The following MYLK variants were observed in gnomAD, a reference collection of about 807,000 sequenced individuals.
MYLK encodes the protein myosin light chain kinase.
A neutral mutation model predicts 203.4 loss-of-function variants in MYLK; 106 were observed. The ratio of observed to expected loss-of-function variants is 0.52; its 90% confidence interval spans 0.45 to 0.61. The LOEUF is 0.61. MYLK is among the 20% of genes least tolerant of loss of function. The pLI, the probability that MYLK is intolerant of heterozygous loss-of-function variation, is 0.00. For synonymous variants in MYLK, 867 were observed against 959.5 expected, an observed-to-expected ratio of 0.90 and a Z score of 1.78; for missense variants, 2,072 against 2,442.3, an observed-to-expected ratio of 0.85 and a Z score of 3.20.
chr3:123,619,589 T>G (rs1211942717), intron 32 of MYLK, among the ~76,000 whole-genome samples: 1 of 152,186 alleles, frequency 6.6e-6, no homozygotes, highest in Non-Finnish European at 1.5e-5. Context: ...TGCATGCACC[T>G]GAAGCAGGAA....
Position 123,700,539 on chromosome 3 carries a change from C to T in MYLK, c.2929G>A (p.Ala977Thr), listed in dbSNP as rs1270011629. 2 of 1,613,480 alleles carry T rather than the reference C, an allele frequency of 1.2e-6. No homozygotes were observed. The highest frequency in any genetic ancestry group is 1.7e-5 in the Admixed American group (1 of 59,980). ...VPEKVPPPKPATPDFRSVLGG... is the reference protein window; with the variant it reads ...VPEKVPPPKPTTPDFRSVLGG... ...AGCACTGAGCGAAAATCCGGGGTGG[C>T]AGGTTTTGGCGGTGGCACCTTCTCA... The change falls in exon 18 of 34, where the codon GCC (alanine) becomes ACC (threonine). Residue 977 changes from alanine to threonine, a missense_variant. Ala to Thr is a moderately conservative substitution (Grantham distance 58). This residue lies in a region of MYLK where 865 missense variants were observed against 1,016.0 expected (regional missense o/e 0.85). Transcript: ENST00000360304.
In MYLK at chr3:123,682,256, T is replaced by C. The variant is rs2060292973; in HGVS notation, c.3620A>G (p.Lys1207Arg). ...KAPEMKSRRP[K>R]SSLPPVLGTE... ...TCCTAGCACGGGAGGAAGAGAGCTC[T>C]TGGGCCTCCGGGATTTCATCTCTGG... Residue 1207 changes from lysine to arginine, a missense_variant, in exon 20 of 34, where the codon AAG becomes AGG. By Grantham distance (26) the Lys-to-Arg change is conservative (BLOSUM62 2). This residue lies in a region of MYLK where 865 missense variants were observed against 1,016.0 expected (regional missense o/e 0.85). Transcript: ENST00000360304. The C allele has an allele frequency of 6.2e-7, 1 of 1,603,772 alleles. No homozygotes were observed. Among genetic ancestry groups the C allele is most frequent in the African/African-American group, 1.3e-5 (1 of 74,854 alleles).
intron 24 of MYLK, among the ~76,000 whole-genome samples, chr3:123,653,932 C>A (rs1393788311): frequency 6.6e-6 from 1 of 151,756 alleles, no homozygotes; most frequent in Admixed American, 6.6e-5. Context: ...ACTTGATTGC[C>A]CCCCTGGGAC....
intron 2 of MYLK, among the ~76,000 whole-genome samples, chr3:123,859,121 T>TA (rs1333981248): frequency 6.6e-6 from 1 of 152,178 alleles, no homozygotes; most frequent in Non-Finnish European, 1.5e-5. Flanking sequence ...GGGACAACTG[T>TA]AAAAAACAGG....
intron 23 of MYLK, chr3:123,659,707 C>T (rs765032736): frequency 1.9e-6 from 1 of 518,032 alleles, no homozygotes; most frequent in Non-Finnish European, 3.9e-6. Flanking sequence ...AACAGATGTC[C>T]TTAGAACAGG....
At chr3:123,749,377 C>T (rs921500384) in intron 5 of MYLK, among the ~76,000 whole-genome samples, 3 of 152,124 alleles carry the variant, frequency 2.0e-5, no homozygotes, top group Admixed American at 2.0e-4. Flanking sequence ...AGGGCAGGTA[C>T]CACGTCTCTT....
intron 2 of MYLK, among the ~76,000 whole-genome samples, chr3:123,861,289 C>G (rs570754614): frequency 8.5e-5 from 13 of 152,364 alleles, no homozygotes; most frequent in African/African-American, 2.9e-4. Context: ...AGCTCTGCAG[C>G]GAGACAGCTG....
chr3:123,658,413 G>A (rs148189263), intron 23 of MYLK, among the ~76,000 whole-genome samples: 7 of 152,262 alleles, frequency 4.6e-5, no homozygotes, highest in African/African-American at 1.7e-4. Context: ...GAGTTTTGCT[G>A]ATTTTATTAG....
In MYLK at chr3:123,844,822, GT is replaced by G. The variant is rs146243787; in HGVS notation, c.-126-13153del. Among the ~76,000 whole-genome samples, 137 of 117,812 alleles carry G rather than the reference GT, an allele frequency of 1.2e-3. 1 individual carries two copies. Among genetic ancestry groups the G allele is most frequent in the African/African-American group, 3.5e-3 (106 of 30,636 alleles). 77.3% of individuals were successfully genotyped at this position (117,812 alleles called of 152,430 possible). A position where few individuals can be genotyped will look rare whatever the true frequency, so the allele number is the denominator to read the frequency against. The stretch of plus-strand genomic sequence containing the variant: ...TAATATATAACTCTTCTCCTCAGTT[GT>G]TTTTTTTTTTTTTTTTTTTTTTTTA... On this transcript the variant is annotated intron_variant, in intron 2 of 33. Coordinates refer to ENST00000360304, the MANE Select transcript of MYLK (RefSeq NM_053025.4).
chr3:123,684,776 T>C (rs1351324905), intron 19 of MYLK, among the ~76,000 whole-genome samples: 1 of 152,208 alleles, frequency 6.6e-6, no homozygotes, highest in Non-Finnish European at 1.5e-5. Context: ...CCTCAGGTGA[T>C]CTGCCTGCGT....
chr3:123,802,679 T>G (rs986290230), intron 3 of MYLK, among the ~76,000 whole-genome samples: 2 of 152,242 alleles, frequency 1.3e-5, no homozygotes, highest in Non-Finnish European at 2.9e-5. Context: ...CCTGGTCTCC[T>G]GGAGTTGTTT....
intron 2 of MYLK, among the ~76,000 whole-genome samples, chr3:123,842,951 G>A (rs373829306): frequency 3.6e-4 from 55 of 152,298 alleles, no homozygotes; most frequent in African/African-American, 1.1e-3. Flanking sequence ...CTGCTGGGAC[G>A]GACACCATGT....
At chr3:123,717,173 C>A (rs546099987) in intron 13 of MYLK, among the ~76,000 whole-genome samples, 1 of 152,214 alleles carries the variant, frequency 6.6e-6, no homozygotes, top group Non-Finnish European at 1.5e-5. Flanking sequence ...AGGATCCATA[C>A]GTTATGTTAA....
chr3:123,710,679 T>TAA (rs1158715579), intron 13 of MYLK, among the ~76,000 whole-genome samples: 1 of 152,168 alleles, frequency 6.6e-6, no homozygotes, highest in East Asian at 1.9e-4. Context: ...CTTAAAAAGT[T>TAA]AAACATATAC....
intron 3 of MYLK, among the ~76,000 whole-genome samples, chr3:123,807,762 T>G (rs181117759): frequency 6.6e-6 from 1 of 152,328 alleles, no homozygotes; most frequent in East Asian, 1.9e-4. Flanking sequence ...ATTGTTCCCA[T>G]TCAAAGGCCA....
chr3:123,789,255 G>T (rs59516706), intron 4 of MYLK, among the ~76,000 whole-genome samples: 183 of 152,096 alleles, frequency 1.2e-3, no homozygotes, highest in African/African-American at 4.3e-3. Context: ...TACTAGGCAC[G>T]TGAGCAGAAC....
intron 20 of MYLK, among the ~76,000 whole-genome samples, chr3:123,670,034 CA>C (rs57445681): frequency 0.015 from 572 of 37,030 alleles, 1 homozygote; most frequent in African/African-American, 0.034. Context: ...GACTCCATCT[CA>C]AAAAAAAAAA....
chr3:123,793,250 T>G (rs1260449160), intron 4 of MYLK, among the ~76,000 whole-genome samples: 3 of 152,148 alleles, frequency 2.0e-5, no homozygotes, highest in African/African-American at 7.2e-5. Context: ...ACCAAATGGA[T>G]GTACAAGAAG....
chr3:123,870,847 C>T (rs966714782), intron 2 of MYLK, among the ~76,000 whole-genome samples: 1 of 152,200 alleles, frequency 6.6e-6, no homozygotes, highest in Non-Finnish European at 1.5e-5. Flanking sequence ...CTGTATCTGC[C>T]TCTTTACAGA....
Sources: gnomAD v4.1 joint callset for allele counts (sites outside exome capture counted in the v4.1 genomes callset) on GRCh38, gnomAD v4.1.1 for gene constraint, gnomAD v4.1.1 regional missense constraint, MANE v1.5 for transcripts, NCBI Gene and HGNC (gene_info 2026-07-23, HGNC 2026-07-21) for gene names.